The following PCMTD1 variants were observed in gnomAD, a reference collection of about 807,000 sequenced individuals.
The protein encoded by PCMTD1 is protein-L-isoaspartate (D-aspartate) O-methyltransferase domain containing 1, also known as protein-L-isoaspartate O-methyltransferase domain-containing protein 1.
A neutral mutation model predicts 37.6 loss-of-function variants in PCMTD1; 12 were observed. The observed-to-expected ratio is 0.32, with a 90% CI of 0.20 to 0.52. The LOEUF is 0.52. Ranked by LOEUF, PCMTD1 falls within the 20% of genes least tolerant of loss-of-function variation. The probability of loss-of-function intolerance (pLI) is 0.97; values close to 1 mark genes in which losing one functional copy is unlikely to be tolerated. For missense variants in PCMTD1, 235 were observed against 421.3 expected, an observed-to-expected ratio of 0.56 and a Z score of 3.87; for synonymous variants, 117 against 135.8, an observed-to-expected ratio of 0.86 and a Z score of 0.96.
At position 51,869,989 on chromosome 8, in the gene PCMTD1, A is replaced by T. The variant is rs531423589; in HGVS notation, c.-95-8743T>A. ...AATCTATTTAGGAAAGAACTGTCAA[A>T]GGCCCCATACAATATTATGGTGTCT... On this transcript the variant is annotated intron_variant, in intron 1 of 5. Coordinates refer to ENST00000522514, the MANE Select transcript of PCMTD1 (RefSeq NM_052937.4). Among the ~76,000 whole-genome samples, 328 of 152,304 alleles carry T rather than the reference A, an allele frequency of 2.2e-3. 2 individuals are homozygous for T. Among genetic ancestry groups the T allele is most frequent in the African/African-American group, 7.5e-3 (310 of 41,566 alleles).
rs1563367741 is a variant in PCMTD1 at position 51,895,934 on chromosome 8, A to ATTTTTTTTTTTTTTTTTTTTTTTTTTTT, written c.-96+2995_-96+2996insAAAAAAAAAAAAAAAAAAAAAAAAAAAA. The ATTTTTTTTTTTTTTTTTTTTTTTTTTTT allele has an allele frequency of 4.3e-5, 5 of 116,670 alleles. 2 individuals carry two copies. The highest frequency in any genetic ancestry group is 5.1e-5 in the Non-Finnish European group (3 of 58,622). 7.2% of individuals were successfully genotyped at this position (116,670 alleles called of 1,614,324 possible). A position where few individuals can be genotyped will look rare whatever the true frequency, so the allele number is the denominator to read the frequency against. On this transcript the variant is annotated intron_variant, in intron 1 of 5. Transcript: ENST00000522514. ...CTTTATTAATGTTAGTATTTGTCCC[A>ATTTTTTTTTTTTTTTTTTTTTTTTTTTT]TTTCTTTTTTTTTTTTTTTTTTTTT...
upstream of PCMTD1, chr8:51,899,163 C>A: frequency 1.5e-6 from 2 of 1,328,554 alleles, no homozygotes; most frequent in Non-Finnish European, 1.9e-6. Flanking sequence ...CCAAAGTCAA[C>A]AAGGCCGGGA....
At chr8:51,895,632 CAT>C (rs1376423136) in intron 1 of PCMTD1, among the ~76,000 whole-genome samples, 6 of 152,050 alleles carry the variant, frequency 3.9e-5, no homozygotes, top group African/African-American at 7.3e-5. Flanking sequence ...TACACATACA[CAT>C]AGTGTTTGAT....
rs941018143 is a variant in PCMTD1, at chr8:51,818,520, G to A, written c.*1831C>T. The stretch of plus-strand genomic sequence containing the variant: ...TTCAAGGTAACTAGGTACTTCAAAA[G>A]CCACATTTAATTCAAAATAAAATGA... On this transcript the variant is annotated 3_prime_UTR_variant, in exon 6 of 6. Transcript: ENST00000522514. 2.6e-5 allele frequency: 4 copies of A among 152,198 alleles called. No homozygotes were observed. The East Asian group carries it at 7.7e-4, about 29-fold the overall frequency. The allele number at this position is 152,198 out of a possible 1,614,324, so 9.4% of individuals were successfully genotyped here.
intron 4 of PCMTD1, among the ~76,000 whole-genome samples, chr8:51,831,847 G>A (rs1275225220): frequency 6.6e-6 from 1 of 152,230 alleles, no homozygotes; most frequent in Non-Finnish European, 1.5e-5. Context: ...GTGTCTAGGA[G>A]AAGCACTACA....
intron 1 of PCMTD1, among the ~76,000 whole-genome samples, chr8:51,869,490 G>A (rs1241292670): frequency 6.6e-6 from 1 of 151,880 alleles, no homozygotes; most frequent in Admixed American, 6.6e-5. Flanking sequence ...TTCAGCATTG[G>A]TCAAATCTAT....
chr8:51,896,035 T>G (rs2129296896), intron 1 of PCMTD1: 1 of 148,128 alleles, frequency 6.8e-6, no homozygotes, highest in South Asian at 2.2e-4. Context: ...AACCTCTGAC[T>G]CGCAGGTTCA....
At chr8:51,830,895 C>T (rs2037987959) in intron 5 of PCMTD1, among the ~76,000 whole-genome samples, 1 of 151,988 alleles carries the variant, frequency 6.6e-6, no homozygotes. Context: ...ACATCACAAA[C>T]TATAATTAAT....
chr8:51,829,832 T>C (rs2037974404), intron 5 of PCMTD1, among the ~76,000 whole-genome samples: 3 of 151,928 alleles, frequency 2.0e-5, no homozygotes, highest in Admixed American at 2.0e-4. Flanking sequence ...AGTCCCAAAG[T>C]CATGCAGCTC....
intron 1 of PCMTD1, among the ~76,000 whole-genome samples, chr8:51,882,469 C>CTTG (rs77256172): frequency 1.0e-4 from 1 of 9,964 alleles, no homozygotes; most frequent in South Asian, 3.4e-3. Flanking sequence ...TCTCAAACAC[C>CTTG]CGCCTATGTA....
At chr8:51,837,097 C>T (rs1029057462) in intron 3 of PCMTD1, among the ~76,000 whole-genome samples, 1 of 152,142 alleles carries the variant, frequency 6.6e-6, no homozygotes, top group Non-Finnish European at 1.5e-5. Flanking sequence ...AATCAACCAT[C>T]CTTATTATTC....
chr8:51,849,787 T>C (rs1472856973), intron 2 of PCMTD1: 1 of 352,756 alleles, frequency 2.8e-6, no homozygotes, highest in Non-Finnish European at 5.1e-6. Context: ...TAATAATTAT[T>C]AGGTTTAGGC....
intron 2 of PCMTD1, among the ~76,000 whole-genome samples, chr8:51,855,684 A>G (rs1174571578): frequency 6.6e-6 from 1 of 151,870 alleles, no homozygotes; most frequent in African/African-American, 2.4e-5. Flanking sequence ...TTTGTTTTTG[A>G]GACAGAGTCT....
At chr8:51,891,340 A>G (rs1585862123) in intron 1 of PCMTD1, among the ~76,000 whole-genome samples, 1 of 152,272 alleles carries the variant, frequency 6.6e-6, no homozygotes, top group East Asian at 1.9e-4. Context: ...GCTTGAGCCC[A>G]TGACTTTGAG....
chr8:51,887,550 A>G (rs2038881457), intron 1 of PCMTD1, among the ~76,000 whole-genome samples: 1 of 152,160 alleles, frequency 6.6e-6, no homozygotes, highest in South Asian at 2.1e-4. Flanking sequence ...AACTATGTAT[A>G]AACTAACTGA....
At chr8:51,872,020 G>T (rs1487946576) in intron 1 of PCMTD1, among the ~76,000 whole-genome samples, 1 of 152,114 alleles carries the variant, frequency 6.6e-6, no homozygotes, top group African/African-American at 2.4e-5. Context: ...ATTCCACTTG[G>T]CTTGGAAACA....
At chr8:51,830,581 AGAAAAGCCACCTGACTG>A (rs1446835971) in intron 5 of PCMTD1, among the ~76,000 whole-genome samples, 1 of 152,176 alleles carries the variant, frequency 6.6e-6, no homozygotes, top group Non-Finnish European at 1.5e-5. Flanking sequence ...TGTGGGTGTA[AGAAAAGCCACCTGACTG>A]GCCTGCCTGC....
At position 51,818,278 on chromosome 8, in the gene PCMTD1, A is replaced by G; in HGVS notation, c.*2073T>C. On this transcript the variant is annotated 3_prime_UTR_variant, in exon 6 of 6. Transcript: ENST00000522514. ...CAATGACAAGAAATATGCAATGATC[A>G]TGAAAATCTACTGTACACTTTGCCA... 1.1e-5 allele frequency: 3 copies of G among 275,530 alleles called. No homozygotes were observed. Among genetic ancestry groups the G allele is most frequent in the Non-Finnish European group, 2.1e-5 (3 of 142,530 alleles). 17.1% of individuals were successfully genotyped at this position (275,530 alleles called of 1,614,324 possible).
intron 2 of PCMTD1, among the ~76,000 whole-genome samples, chr8:51,850,891 C>T (rs868309085): frequency 6.6e-6 from 1 of 151,840 alleles, no homozygotes; most frequent in African/African-American, 2.4e-5. Flanking sequence ...GGTAAAAAGT[C>T]GACAGGAATA....
Sources: gnomAD v4.1 joint callset for allele counts (sites outside exome capture counted in the v4.1 genomes callset) on GRCh38, gnomAD v4.1.1 for gene constraint, MANE v1.5 for transcripts, NCBI Gene and HGNC (gene_info 2026-07-23, HGNC 2026-07-21) for gene names.